The following ZNF281 variants were observed in gnomAD, a reference collection of about 807,000 sequenced individuals.
ZNF281 encodes GC-box-binding zinc finger protein 1.
ZNF281 carries 2 observed loss-of-function variants against 58.8 expected under a neutral mutation model. The observed-to-expected ratio is 0.03, with a 90% CI of 0.01 to 0.11. ZNF281 has a LOEUF of 0.11. Among genes scored for constraint, ZNF281 ranks in the 10% least tolerant of loss-of-function variants. The probability of loss-of-function intolerance (pLI) is 1.00; values close to 1 mark genes in which losing one functional copy is unlikely to be tolerated. For missense variants in ZNF281, 975 were observed against 1,090.7 expected (o/e 0.89, Z 1.49); for synonymous variants, 465 against 407.7 (o/e 1.14, Z -1.69).
In ZNF281 at chr1:200,406,911, C is replaced by A; in HGVS notation, c.*107G>T. On this transcript the variant is annotated 3_prime_UTR_variant, in exon 2 of 2. Transcript: ENST00000367353. ...AATATGAAAAGTTGCATTGAAAGGG[C>A]ATCACATTATTCTTAATAGGATCGT... 1 of 1,033,096 alleles carries A rather than the reference C, an allele frequency of 9.7e-7. No homozygotes were observed. Among genetic ancestry groups the A allele is most frequent in the South Asian group, 2.0e-5 (1 of 49,902 alleles). The allele number at this position is 1,033,096 out of a possible 1,614,324, so 64.0% of individuals were successfully genotyped here. A position where few individuals can be genotyped will look rare whatever the true frequency, so the allele number is the denominator to read the frequency against.
rs1447101917 is a variant in ZNF281, at chr1:200,408,529, C to T, written c.1177G>A (p.Val393Met). The change falls in exon 2 of 2, where the codon GTG becomes ATG. Residue 393 changes from valine to methionine, a missense_variant. Physicochemically the swap from Val to Met is conservative, Grantham distance 21. Transcript: ENST00000367353. The part of the protein sequence containing the change: ...SNHTNMGNLA[V>M]LSQGNTSSSR... ...GAACTTGTATTTCCCTGAGACAACA[C>T]AGCCAGATTACCCATATTGGTATGG... 8 of 1,614,118 alleles carry T rather than the reference C, an allele frequency of 5.0e-6. No individual in the cohort carries two copies. Among genetic ancestry groups the T allele is most frequent in the Non-Finnish European group, 6.8e-6 (8 of 1,180,052 alleles).
rs1285266195 is a variant in ZNF281, at chr1:200,407,354, T to C, written c.2352A>G (p.Ser784=). ...NLETSSAFQS[S]SQKLTSQKEQ... ...CCTTCTGGCTAGTCAATTTCTGAGA[T>C]GAGGACTGGAAGGCTGATGAAGTCT... The change falls in exon 2 of 2, where the codon TCA becomes TCG. Residue 784 remains serine (S), a synonymous_variant. Transcript: ENST00000367353. The C allele has an allele frequency of 5.0e-6, 8 of 1,614,104 alleles. No individual in the cohort carries two copies. The highest frequency in any genetic ancestry group is 6.8e-6 in the Non-Finnish European group (8 of 1,180,030).
At position 200,409,950 on chromosome 1, in the gene ZNF281, C is replaced by A; in HGVS notation, c.-23G>T. 1 of 443,166 alleles carries A rather than the reference C, an allele frequency of 2.3e-6. No homozygotes were observed. The highest frequency in any genetic ancestry group is 3.0e-5 in the South Asian group (1 of 33,254). The allele number at this position is 443,166 out of a possible 1,614,324, so 27.5% of individuals were successfully genotyped here. A position where few individuals can be genotyped will look rare whatever the true frequency, so the allele number is the denominator to read the frequency against. On this transcript the variant is annotated 5_prime_UTR_variant, in exon 1 of 2. Transcript: ENST00000367353. The stretch of plus-strand genomic sequence containing the variant: ...GGACCCACCGGCAATACTTACGGGT[C>A]CCGCCGCCGCCGCAGCCGCCGTCGC...
At position 200,408,535 on chromosome 1, in the gene ZNF281, G is replaced by A; in HGVS notation, c.1171C>T (p.Leu391=). 6.2e-7 allele frequency: 1 copy of A among 1,614,202 alleles called. No individual in the cohort carries two copies. The highest frequency in any genetic ancestry group is 1.1e-5 in the South Asian group (1 of 91,076). ...GTATTTCCCTGAGACAACACAGCCA[G>A]ATTACCCATATTGGTATGGTTTGAT... ...GSSNHTNMGN[L]AVLSQGNTSS... The change falls in exon 2 of 2, where the codon CTG becomes TTG. Residue 391 remains leucine (L), a synonymous_variant. Transcript: ENST00000367353.
chr1:200,409,886 G>A, intron 1 of ZNF281, 60 bp downstream of exon 1: 2 of 915,220 alleles, frequency 2.2e-6, no homozygotes, highest in Non-Finnish European at 3.2e-6. Flanking sequence ...GGCACGCATG[G>A]TCCTGCGACT....
intron 1 of ZNF281, 23 bp from the exon 2 acceptor site, chr1:200,409,746 G>T: frequency 1.3e-6 from 2 of 1,580,048 alleles, no homozygotes; most frequent in Non-Finnish European, 1.7e-6. Flanking sequence ...GGAGGAAGAG[G>T]GAAGAGGGAG....
At position 200,408,201 on chromosome 1, in the gene ZNF281, G is replaced by A. The variant is rs1302867827; in HGVS notation, c.1505C>T (p.Ser502Leu). 2 of 1,613,404 alleles carry A rather than the reference G, an allele frequency of 1.2e-6. No individual in the cohort carries two copies. The highest frequency in any genetic ancestry group is 1.7e-6 in the Non-Finnish European group (2 of 1,180,026). The change falls in exon 2 of 2, where the codon TCA becomes TTA. Residue 502 changes from serine (S) to leucine (L), a missense_variant. Ser to Leu is a moderately radical substitution (Grantham distance 145, BLOSUM62 -2). This residue lies in a region of ZNF281 where 579 missense variants were observed against 608.9 expected (regional missense o/e 0.95). Transcript: ENST00000367353. Reference protein sequence around the residue: ...QKSLSGKPSGSLGIVSNNSVE... With the variant: ...QKSLSGKPSGLLGIVSNNSVE... ...ACTATTATTTGATACTATGCCAAGT[G>A]AGCCACTTGGTTTTCCAGACAAGGA... is the stretch of plus-strand genomic sequence containing the variant.
chr1:200,408,990 G>A lies in ZNF281; in HGVS notation c.716C>T (p.Ala239Val). The A allele has an allele frequency of 6.2e-7, 1 of 1,614,262 alleles. No individual in the cohort carries two copies. ...TCCAACCAAAGAAGGTTTGGAAGAT[G>A]CACTTGGCTTCCTCTTGGCTTTGAT... ...QGIKAKRKPS[A>V]SSKPSLVGDG... is the part of the protein sequence containing the mutation. Residue 239 changes from alanine (A) to valine (V), a missense_variant, in exon 2 of 2, where the codon GCA becomes GTA. Physicochemically the swap from Ala to Val is moderately conservative, Grantham distance 64. Coordinates refer to ENST00000367353, the MANE Select transcript of ZNF281 (RefSeq NM_001281293.2).
rs1225172156 is a variant in ZNF281, at chr1:200,409,724, C to G, written c.-18-1G>C. 3 of 1,593,134 alleles carry G rather than the reference C, an allele frequency of 1.9e-6. No individual in the cohort carries two copies. The African/African-American group carries it at 4.1e-5, about 22-fold the overall frequency. ...TTTTCATACCCCGGAGGAGGCCTGG[C>G]TGAAGAAAGGAGGAGGAAGAGGGAA... is the stretch of plus-strand genomic sequence containing the variant. On this transcript the variant is annotated splice_acceptor_variant, in intron 1 of 1. Transcript: ENST00000367353. LOFTEE classifies it low-confidence loss of function (5UTR_SPLICE).
intron 1 of ZNF281, 96 bp downstream of exon 1, chr1:200,409,850 T>G: frequency 1.1e-5 from 14 of 1,236,358 alleles, no homozygotes; most frequent in Non-Finnish European, 1.3e-5. Context: ...CCAGCACTAA[T>G]TCCCAGCCCA....
At position 200,409,163 on chromosome 1, in the gene ZNF281, G is replaced by T; in HGVS notation, c.543C>A (p.His181Gln). 1 of 1,614,178 alleles carries T rather than the reference G, an allele frequency of 6.2e-7. No individual in the cohort carries two copies. The highest frequency in any genetic ancestry group is 8.5e-7 in the Non-Finnish European group (1 of 1,180,028). The change falls in exon 2 of 2, where the codon CAC becomes CAA. Residue 181 changes from histidine (H) to glutamine (Q), a missense_variant. His to Gln is a conservative substitution (Grantham distance 24). Transcript: ENST00000367353. The part of the protein sequence containing the change: ...HGVIQDLSIL[H>Q]QHVQQQPAQH... The stretch of plus-strand genomic sequence containing the variant: ...GGGCTGGTTGCTGCTGGACATGCTG[G>T]TGGAGAATACTGAGGTCCTGGATGA...
chr1:200,409,471 A>G lies in ZNF281; in HGVS notation c.235T>C (p.Ser79Pro). The change falls in exon 2 of 2, where the codon TCC (serine) becomes CCC (proline). Residue 79 changes from serine (S) to proline (P), a missense_variant. Ser to Pro is a moderately conservative substitution (Grantham distance 74). Coordinates refer to ENST00000367353, the MANE Select transcript of ZNF281 (RefSeq NM_001281293.2). ...SAAPPPQCVL[S>P]SSTSAAPAAE... Reference sequence around the variant, plus strand: ...GCCGGGGCTGCGGAGGTAGAGGAGGATAACACGCATTGCGGGGGAGGGGCG... The same window carrying G: ...GCCGGGGCTGCGGAGGTAGAGGAGGGTAACACGCATTGCGGGGGAGGGGCG... 6.5e-7 allele frequency: 1 copy of G among 1,546,298 alleles called. No homozygotes were observed. The highest frequency in any genetic ancestry group is 8.7e-7 in the Non-Finnish European group (1 of 1,144,728).
chr1:200,407,053 T>C lies in ZNF281; in HGVS notation c.2653A>G (p.Arg885Gly), dbSNP rs138036890. ...MSDVSEPCST[R>G]VKTPTSQSYR ...CTCTGGCTGGTGGGTGTCTTTACTC[T>C]TGTACTACATGGCTCACTTACATCA... Residue 885 changes from arginine to glycine, a missense_variant, in exon 2 of 2, where the codon AGA becomes GGA. Transcript: ENST00000367353. 1.2e-6 allele frequency: 2 copies of C among 1,613,870 alleles called. No individual in the cohort carries two copies. Among genetic ancestry groups the C allele is most frequent in the East Asian group, 2.2e-5 (1 of 44,888 alleles).
rs1396010515 is a variant in ZNF281 at position 200,409,978 on chromosome 1, C to G, written c.-51G>C. The G allele has an allele frequency of 1.0e-5, 6 of 591,750 alleles. No individual in the cohort carries two copies. The highest frequency in any genetic ancestry group is 5.7e-5 in the African/African-American group (3 of 52,322). 36.7% of individuals were successfully genotyped at this position (591,750 alleles called of 1,614,324 possible). A position where few individuals can be genotyped will look rare whatever the true frequency, so the allele number is the denominator to read the frequency against. ...GCCGCCGCCGCAGCCGCCGTCGCCTCCAGTTAATAAAAATAACGCCGTCCT... is the reference window on the plus strand; with the variant it reads ...GCCGCCGCCGCAGCCGCCGTCGCCTGCAGTTAATAAAAATAACGCCGTCCT... On this transcript the variant is annotated 5_prime_UTR_variant, in exon 1 of 2. Transcript: ENST00000367353.
rs1654537482 is a variant in ZNF281 at position 200,409,195 on chromosome 1, G to T, written c.511C>A (p.His171Asn). 1 of 1,614,082 alleles carries T rather than the reference G, an allele frequency of 6.2e-7. No homozygotes were observed. Among genetic ancestry groups the T allele is most frequent in the Non-Finnish European group, 8.5e-7 (1 of 1,180,016 alleles). ...PGLGGGEGGSHGVIQDLSILH... is the reference protein window; with the variant it reads ...PGLGGGEGGSNGVIQDLSILH... ...ATACTGAGGTCCTGGATGACGCCGT[G>T]ACTCCCCCCTTCACCGCCTCCTAGG... The change falls in exon 2 of 2, where the codon CAC (histidine) becomes AAC (asparagine). Residue 171 changes from histidine to asparagine, a missense_variant. Around this residue, in one of 3 missense-constraint regions of ZNF281, gnomAD observed 370 missense variants for 360.9 expected, o/e 1.03. Coordinates refer to ENST00000367353, the MANE Select transcript of ZNF281 (RefSeq NM_001281293.2).
chr1:200,407,413 G>A lies in ZNF281; in HGVS notation c.2293C>T (p.Leu765=), dbSNP rs1654482764. 1.2e-6 allele frequency: 2 copies of A among 1,614,068 alleles called. No individual in the cohort carries two copies. The highest frequency in any genetic ancestry group is 1.3e-5 in the African/African-American group (1 of 74,930). The change falls in exon 2 of 2, where the codon CTG becomes TTG. Residue 765 remains leucine (L), a synonymous_variant. Coordinates refer to ENST00000367353, the MANE Select transcript of ZNF281 (RefSeq NM_001281293.2). ...THQQLTPSQE[L]DDLIDSQKNL... Reference sequence around the variant, plus strand: ...TTCTGAGAATCTATCAGATCATCCAGCTCCTGGGAAGGTGTCAACTGCTGA... The same window carrying A: ...TTCTGAGAATCTATCAGATCATCCAACTCCTGGGAAGGTGTCAACTGCTGA...
At position 200,405,859 on chromosome 1, in the gene ZNF281, A is replaced by G. The variant is rs1654434250; in HGVS notation, c.*1159T>C. 1.1e-5 allele frequency: 1 copy of G among 89,388 alleles called. No individual in the cohort carries two copies. Among genetic ancestry groups the G allele is most frequent in the Non-Finnish European group, 2.0e-5 (1 of 49,104 alleles). 5.5% of individuals were successfully genotyped at this position (89,388 alleles called of 1,614,324 possible). A position where few individuals can be genotyped will look rare whatever the true frequency, so the allele number is the denominator to read the frequency against. On this transcript the variant is annotated 3_prime_UTR_variant, in exon 2 of 2. Transcript: ENST00000367353. The stretch of plus-strand genomic sequence containing the variant: ...GGTTTTATTACATATGGAAATCTGT[A>G]TGGGTTTTTTTTTTTTTAAAGGTGG...
rs1460688764 is a variant in ZNF281, at chr1:200,407,342, C to T, written c.2364G>A (p.Leu788=). The T allele has an allele frequency of 2.5e-6, 4 of 1,613,910 alleles. No homozygotes were observed. Among genetic ancestry groups the T allele is most frequent in the Non-Finnish European group, 2.5e-6 (3 of 1,180,042 alleles). ...AGTTTTTCTGTTCCTTCTGGCTAGT[C>T]AATTTCTGAGATGAGGACTGGAAGG... ...SSAFQSSSQK[L]TSQKEQKNLE... The change falls in exon 2 of 2, where the codon TTG becomes TTA. Residue 788 remains leucine, a synonymous_variant. Coordinates refer to ENST00000367353, the MANE Select transcript of ZNF281 (RefSeq NM_001281293.2).
Position 200,409,092 on chromosome 1 carries a change from T to A in ZNF281, c.614A>T (p.Asp205Val), listed in dbSNP as rs367822319. Residue 205 changes from aspartate (D) to valine (V), a missense_variant, in exon 2 of 2, where the codon GAC (aspartate) becomes GTC (valine). This residue lies in a region of ZNF281 where 370 missense variants were observed against 360.9 expected (regional missense o/e 1.03). Transcript: ENST00000367353. ...CTTTGGCTCCTCAGTGCCATGGTGGTCATCAGTCCTGCTACTGCTGCTGAG... is the reference window on the plus strand; with the variant it reads ...CTTTGGCTCCTCAGTGCCATGGTGGACATCAGTCCTGCTACTGCTGCTGAG... ...VLLSSSSRTDDHHGTEEPKQD... is the reference protein window; with the variant it reads ...VLLSSSSRTDVHHGTEEPKQD... The A allele has an allele frequency of 3.7e-6, 6 of 1,614,086 alleles. No individual in the cohort carries two copies. The African/African-American group carries it at 8.0e-5, about 22-fold the overall frequency.
Sources: allele counts gnomAD v4.1 joint callset, GRCh38; gene constraint gnomAD v4.1.1; regional missense constraint gnomAD v4.1.1; transcripts MANE v1.5; gene names NCBI Gene and HGNC (gene_info 2026-07-23, HGNC 2026-07-21).